The following HDAC4 variants were observed in gnomAD, a reference collection of about 807,000 sequenced individuals.
HDAC4 encodes histone deacetylase A.
In HDAC4, 16 loss-of-function variants were observed where a neutral mutation model predicts 135.1. That is an observed-to-expected ratio of 0.12 (90% CI 0.08 to 0.18). The LOEUF is 0.18. HDAC4 is among the 10% of genes least tolerant of loss of function. HDAC4 has a pLI of 1.00. For missense variants in HDAC4, 1,143 were observed against 1,511.8 expected, an observed-to-expected ratio of 0.76 and a Z score of 4.05; for synonymous variants, 685 against 653.4, an observed-to-expected ratio of 1.05 and a Z score of -0.74.
intron 2 of HDAC4, among the ~76,000 whole-genome samples, chr2:239,328,761 C>G (rs7594398): frequency 1.3e-5 from 2 of 152,118 alleles, no homozygotes; most frequent in Admixed American, 1.3e-4. Context: ...CTCGGGCGCC[C>G]GCTGGCCCTC....
intron 1 of HDAC4, among the ~76,000 whole-genome samples, chr2:239,368,045 A>G (rs1325612900): frequency 6.6e-6 from 1 of 152,104 alleles, no homozygotes; most frequent in Non-Finnish European, 1.5e-5. Flanking sequence ...AAGATATCTC[A>G]TTATGTATAC....
chr2:239,265,633 G>A (rs2049675448), intron 2 of HDAC4, among the ~76,000 whole-genome samples: 1 of 152,164 alleles, frequency 6.6e-6, no homozygotes, highest in Admixed American at 6.5e-5. Flanking sequence ...AGGAACACGA[G>A]GTGATGCCAA....
At chr2:239,230,256 T>C (rs1354076398) in intron 3 of HDAC4, among the ~76,000 whole-genome samples, 2 of 151,782 alleles carry the variant, frequency 1.3e-5, no homozygotes, top group East Asian at 2.0e-4. Flanking sequence ...GGTCCATTCA[T>C]TGGGTTGGGG....
At chr2:239,082,660 C>T (rs954251115) in intron 20 of HDAC4, among the ~76,000 whole-genome samples, 5 of 152,344 alleles carry the variant, frequency 3.3e-5, no homozygotes, top group South Asian at 2.1e-4. Context: ...CTTGCAGGCA[C>T]GTGGGAGGTG....
At chr2:239,267,222 C>T (rs10208713) in intron 2 of HDAC4, among the ~76,000 whole-genome samples, 31,280 of 152,164 alleles carry the variant, frequency 0.21, 3,287 homozygotes, top group Middle Eastern at 0.27. Context: ...GTGCCCGGCC[C>T]ACAGAAAGTT....
intron 2 of HDAC4, among the ~76,000 whole-genome samples, chr2:239,252,922 C>T (rs1160618134): frequency 6.6e-6 from 1 of 152,232 alleles, no homozygotes; most frequent in Non-Finnish European, 1.5e-5. Context: ...AGGAACGCAC[C>T]ACCTGCGCTT....
Position 239,180,369 on chromosome 2 carries a change from C to T in HDAC4, c.340-3806G>A, listed in dbSNP as rs1408248200. On this transcript the variant is annotated intron_variant, in intron 4 of 26. Coordinates refer to ENST00000543185, the MANE Select transcript of HDAC4 (RefSeq NM_001378414.1). ...GGGCATCAATCCCGTTCCTGGACCT[C>T]GCTTCCCACTGCTGAGGACTCAGCC... Among the ~76,000 whole-genome samples the T allele has an allele frequency of 3.3e-5, 5 of 152,106 alleles. 1 individual carries two copies. The highest frequency in any genetic ancestry group is 1.3e-4 in the Admixed American group (2 of 15,282).
intron 3 of HDAC4, among the ~76,000 whole-genome samples, chr2:239,193,910 G>C (rs2045185530): frequency 6.6e-6 from 1 of 152,238 alleles, no homozygotes; most frequent in Non-Finnish European, 1.5e-5. Flanking sequence ...ACATGATCTT[G>C]ATGCAAATGC....
chr2:239,088,761 G>C (rs1026476137), intron 18 of HDAC4, among the ~76,000 whole-genome samples: 2 of 152,212 alleles, frequency 1.3e-5, no homozygotes, highest in Non-Finnish European at 2.9e-5. Context: ...GTGAGAAACT[G>C]TGAGCTTTCC....
At chr2:239,332,649 T>C (rs1488880053) in intron 2 of HDAC4, among the ~76,000 whole-genome samples, 1 of 150,352 alleles carries the variant, frequency 6.7e-6, no homozygotes, top group East Asian at 1.9e-4. Context: ...AAAAAATCAG[T>C]GATCTAAATA....
intron 2 of HDAC4, among the ~76,000 whole-genome samples, chr2:239,281,819 C>T (rs1469553218): frequency 2.0e-5 from 3 of 149,282 alleles, no homozygotes; most frequent in African/African-American, 7.4e-5. Context: ...ACACACCACT[C>T]TCAATGTACA....
chr2:239,363,628 G>A (rs2125976575), intron 1 of HDAC4, among the ~76,000 whole-genome samples: 1 of 152,288 alleles, frequency 6.6e-6, no homozygotes, highest in East Asian at 1.9e-4. Context: ...TAAGCAATGA[G>A]GCCTGGTCTA....
intron 3 of HDAC4, among the ~76,000 whole-genome samples, chr2:239,208,104 C>T (rs565507033): frequency 4.0e-5 from 6 of 151,654 alleles, no homozygotes; most frequent in Admixed American, 6.6e-5. Context: ...AGGCGGATCA[C>T]GAGGTCAGGA....
intron 1 of HDAC4, among the ~76,000 whole-genome samples, chr2:239,388,420 G>A (rs936599529): frequency 4.6e-5 from 7 of 152,348 alleles, no homozygotes; most frequent in South Asian, 2.1e-4. Flanking sequence ...ATCTGGGCCC[G>A]GGCCACGTTT....
chr2:239,201,495 C>T (rs1261783374), intron 3 of HDAC4, among the ~76,000 whole-genome samples: 2 of 152,206 alleles, frequency 1.3e-5, no homozygotes, highest in African/African-American at 4.8e-5. Context: ...AAAGGCCAGG[C>T]CCCCCTGTAA....
chr2:239,089,741 TTTAA>T (rs1301937141), intron 18 of HDAC4: 122 of 414,834 alleles, frequency 2.9e-4, no homozygotes, highest in South Asian at 1.9e-3. Context: ...TTTTTTTTTT[TTTAA>T]GAGTATAAAT....
chr2:239,055,610 G>A (rs1032508870), intron 24 of HDAC4, among the ~76,000 whole-genome samples: 7 of 151,994 alleles, frequency 4.6e-5, no homozygotes, highest in South Asian at 2.1e-4. Flanking sequence ...CCAGCTACTC[G>A]GGAGGCTGAG....
chr2:239,374,386 CTTTTTTTTTTTTTTTTTTTTTT>C (rs755538495), intron 1 of HDAC4, among the ~76,000 whole-genome samples: 3 of 56,708 alleles, frequency 5.3e-5, no homozygotes, highest in African/African-American at 1.6e-4. Context: ...GAAAACAAGG[CTTTTTTTTTTTTTTTTTTTTTT>C]TTTTTTTTTT....
intron 24 of HDAC4, among the ~76,000 whole-genome samples, chr2:239,066,099 G>A (rs1239834193): frequency 1.3e-5 from 2 of 151,798 alleles, no homozygotes; most frequent in African/African-American, 2.4e-5. Flanking sequence ...GGGCCCCAGC[G>A]TCATGCTGGA....
Sources: gnomAD v4.1 joint callset for allele counts (sites outside exome capture counted in the v4.1 genomes callset) on GRCh38, gnomAD v4.1.1 for gene constraint, MANE v1.5 for transcripts, NCBI Gene and HGNC (gene_info 2026-07-23, HGNC 2026-07-21) for gene names.